SLC4A8: variants seen among roughly 807,000 people sequenced by gnomAD.
SLC4A8 encodes solute carrier family 4 member 8.
Under a neutral mutation model 125.0 loss-of-function variants are expected in SLC4A8, and 40 were observed. The observed-to-expected ratio is 0.32, with a 90% CI of 0.25 to 0.42. The LOEUF (loss-of-function observed/expected upper bound fraction) is 0.42. Among genes scored for constraint, SLC4A8 ranks in the 10% least tolerant of loss-of-function variants. The probability of loss-of-function intolerance (pLI) is 1.00; values close to 1 mark genes in which losing one functional copy is unlikely to be tolerated. For missense variants in SLC4A8, 863 were observed against 1,355.1 expected (o/e 0.64, Z 5.70); for synonymous variants, 456 against 476.0 (o/e 0.96, Z 0.55).
intron 14 of SLC4A8, 140 bp from the exon 15 acceptor site, chr12:51,474,202 G>C (rs1950795152): frequency 1.9e-6 from 1 of 521,310 alleles, no homozygotes; most frequent in Non-Finnish European, 3.4e-6. Context: ...GGCCTACAGA[G>C]GGGCCTCAGC....
At chr12:51,428,259 C>G (rs73095174) in intron 1 of SLC4A8, among the ~76,000 whole-genome samples, 9,939 of 152,152 alleles carry the variant, frequency 0.065, 437 homozygotes, top group East Asian at 0.21. Flanking sequence ...TATGACTTAC[C>G]TGAAATATTC....
chr12:51,487,921 TAGG>T (rs910178341), intron 17 of SLC4A8, among the ~76,000 whole-genome samples: 1 of 152,238 alleles, frequency 6.6e-6, no homozygotes, highest in Non-Finnish European at 1.5e-5. Context: ...AGAGAAGTCG[TAGG>T]AGAATAGTCT....
chr12:51,494,028 AT>A (rs1006999423), intron 20 of SLC4A8, among the ~76,000 whole-genome samples: 11 of 151,554 alleles, frequency 7.3e-5, no homozygotes, highest in African/African-American at 1.2e-4. Flanking sequence ...TCAACAGACA[AT>A]TTTTTTTTGG....
At chr12:51,456,886 T>A (rs1318369239) in intron 5 of SLC4A8, among the ~76,000 whole-genome samples, 1 of 152,194 alleles carries the variant, frequency 6.6e-6, no homozygotes, top group Non-Finnish European at 1.5e-5. Flanking sequence ...CCCTTTGGAG[T>A]TCTACAGTTA....
At position 51,470,533 on chromosome 12, in the gene SLC4A8, A is replaced by G. The variant is rs769289098; in HGVS notation, c.1658+8A>G. On this transcript the variant is annotated splice_region_variant and intron_variant, in intron 13 of 24. Transcript: ENST00000453097. ...TTTGTTCAAATTCTGCAAGTAAGAC[A>G]TTTGTTTTTCTGAAAACTCTAACCA... The G allele has an allele frequency of 1.9e-6, 3 of 1,612,986 alleles. No individual in the cohort carries two copies. Among genetic ancestry groups the G allele is most frequent in the South Asian group, 1.1e-5 (1 of 90,992 alleles).
chr12:51,490,523 A>C (rs1248777071), intron 19 of SLC4A8, among the ~76,000 whole-genome samples: 1 of 146,038 alleles, frequency 6.8e-6, no homozygotes, highest in Non-Finnish European at 1.5e-5. Flanking sequence ...AGATCATGCC[A>C]CTGCACTCCA....
intron 3 of SLC4A8, 73 bp from the exon 4 acceptor site, chr12:51,452,050 TA>T: frequency 7.1e-7 from 1 of 1,412,100 alleles, no homozygotes; most frequent in South Asian, 1.2e-5. Context: ...CTAAAGTTGT[TA>T]GGTAAGGAAG....
rs372562149 is a variant in SLC4A8, at chr12:51,413,418, A to G, written c.-112+21930A>G. 7.9e-5 allele frequency among the ~76,000 whole-genome samples: 12 copies of G among 152,230 alleles called. No homozygotes were observed. The East Asian group carries it at 2.3e-3, about 29-fold the overall frequency. On this transcript the variant is annotated intron_variant, in intron 1 of 24. Transcript: ENST00000358657. ...TGCAGTGAAAGAGCTTTTTACTTTAATATAGTCCCATTTGTCTATTTTTGT... is the reference window on the plus strand; with the variant it reads ...TGCAGTGAAAGAGCTTTTTACTTTAGTATAGTCCCATTTGTCTATTTTTGT...
chr12:51,469,716 C>T lies in SLC4A8; in HGVS notation c.1452C>T (p.Phe484=), dbSNP rs1477404928. Residue 484 remains phenylalanine (F), a synonymous_variant, in exon 12 of 25, where the codon TTC becomes TTT. Coordinates refer to ENST00000453097, the MANE Select transcript of SLC4A8 (RefSeq NM_001039960.3). Reference sequence around the variant, plus strand: ...TACAGTGTTTGGCTTCCTTTCTGTTCCTGTACTGTGCCTGCATGTCACCTG... The same window carrying T: ...TACAGTGTTTGGCTTCCTTTCTGTTTCTGTACTGTGCCTGCATGTCACCTG... ...LSLQCLASFL[F]LYCACMSPVI... is the part of the protein sequence containing the mutation. The T allele has an allele frequency of 1.2e-6, 2 of 1,614,084 alleles. No individual in the cohort carries two copies. Among genetic ancestry groups the T allele is most frequent in the South Asian group, 1.1e-5 (1 of 91,068 alleles).
At chr12:51,462,097 T>G in intron 9 of SLC4A8, 3 of 546,714 alleles carry the variant, frequency 5.5e-6, no homozygotes, top group African/African-American at 1.9e-5. Flanking sequence ...CTAGCAGACA[T>G]GTATTTAGTT....
chr12:51,501,927 A>G (rs1402644355), intron 22 of SLC4A8: 1 of 152,128 alleles, frequency 6.6e-6, no homozygotes, highest in African/African-American at 2.4e-5. Flanking sequence ...AGTTTTTAAT[A>G]TGTTTGTTGA....
intron 16 of SLC4A8, among the ~76,000 whole-genome samples, chr12:51,485,171 G>C (rs189303238): frequency 6.4e-4 from 97 of 152,284 alleles, no homozygotes; most frequent in Non-Finnish European, 2.1e-4. Context: ...AGCCATTTCA[G>C]GGTTTTGATA....
intron 1 of SLC4A8, chr12:51,402,950 C>T (rs1948420336): frequency 3.2e-6 from 1 of 313,826 alleles, no homozygotes; most frequent in Non-Finnish European, 6.4e-6. Flanking sequence ...ACTGGGGGTC[C>T]CTGATAGAAT....
intron 1 of SLC4A8, among the ~76,000 whole-genome samples, chr12:51,409,161 A>C (rs188300597): frequency 2.6e-5 from 4 of 152,224 alleles, no homozygotes; most frequent in Admixed American, 2.6e-4. Flanking sequence ...AGTAGCTGGG[A>C]CTACAGGTAC....
rs2201247 is a variant in SLC4A8, at chr12:51,513,414, G to A, written c.*5976G>A. The A allele has an allele frequency of 0.48, 73,045 of 151,722 alleles. 17,869 individuals are homozygous for A. Among genetic ancestry groups the A allele is most frequent in the Non-Finnish European group, 0.53 (35,681 of 67,842 alleles). 9.4% of individuals were successfully genotyped at this position (151,722 alleles called of 1,614,324 possible). On this transcript the variant is annotated 3_prime_UTR_variant, in exon 25 of 25. Coordinates refer to ENST00000453097, the MANE Select transcript of SLC4A8 (RefSeq NM_001039960.3). ...TTTCCAAAAGATGGTGTGAAGAGTC[G>A]TTTCTCTTCGTCTGGGATGTGATTG... is the stretch of plus-strand genomic sequence containing the variant.
At chr12:51,473,889 G>A (rs910966784) in intron 14 of SLC4A8, among the ~76,000 whole-genome samples, 13 of 152,202 alleles carry the variant, frequency 8.5e-5, no homozygotes, top group Non-Finnish European at 1.6e-4. Context: ...TAGAACAAGA[G>A]CATGACGAAG....
chr12:51,475,220 T>G lies in SLC4A8; in HGVS notation c.2172+14T>G, dbSNP rs1294908177. On this transcript the variant is annotated intron_variant, in intron 16 of 24. Coordinates refer to ENST00000453097, the MANE Select transcript of SLC4A8 (RefSeq NM_001039960.3). ...TTCCCAACCAGAGTAGGTAGCATGT[T>G]CATGCATTTCTTTCACGTTAGAATC... 6.2e-7 allele frequency: 1 copy of G among 1,612,632 alleles called. No individual in the cohort carries two copies. The highest frequency in any genetic ancestry group is 1.3e-5 in the African/African-American group (1 of 75,020).
chr12:51,441,236 A>AT, intron 2 of SLC4A8: 1 of 977,610 alleles, frequency 1.0e-6, no homozygotes, highest in Non-Finnish European at 1.2e-6. Context: ...TTTCTATTCT[A>AT]TTTATACCCA....
intron 1 of SLC4A8, among the ~76,000 whole-genome samples, chr12:51,433,251 A>G (rs562945925): frequency 1.3e-4 from 20 of 152,254 alleles, no homozygotes; most frequent in African/African-American, 4.8e-4. Flanking sequence ...CAGCATTTTA[A>G]TGTGTATTTA....
Sources: allele counts gnomAD v4.1 joint callset (sites outside exome capture counted in the v4.1 genomes callset), GRCh38; gene constraint gnomAD v4.1.1; transcripts MANE v1.5; gene names NCBI Gene and HGNC (gene_info 2026-07-23, HGNC 2026-07-21).